The following VANGL1 variants were observed in gnomAD, a reference collection of about 807,000 sequenced individuals.
VANGL1 encodes VANGL planar cell polarity protein 1.
A neutral mutation model predicts 48.4 loss-of-function variants in VANGL1; 18 were observed. That is an observed-to-expected ratio of 0.37 (90% CI 0.26 to 0.55). The LOEUF is 0.55. Among genes scored for constraint, VANGL1 ranks in the 20% least tolerant of loss-of-function variants. The pLI is 0.81. For synonymous variants in VANGL1, 257 were observed against 261.8 expected (o/e 0.98, Z 0.18); for missense variants, 667 against 675.8 (o/e 0.99, Z 0.14).
intron 7 of VANGL1, among the ~76,000 whole-genome samples, chr1:115,687,705 CTGTGTGTG>C (rs56094677): frequency 0.014 from 1,530 of 112,832 alleles, 243 homozygotes; most frequent in African/African-American, 0.019. Context: ...CTCTCTTTCT[CTGTGTGTG>C]TGTGTGTGTG....
At chr1:115,684,148 A>G in intron 6 of VANGL1, 72 bp downstream of exon 6, 2 of 1,334,816 alleles carry the variant, frequency 1.5e-6, no homozygotes, top group Non-Finnish European at 9.8e-7. Context: ...TTATTTATTT[A>G]TTTATTTAGA....
At chr1:115,681,482 G>A (rs1254380102) in intron 4 of VANGL1, among the ~76,000 whole-genome samples, 2 of 150,286 alleles carry the variant, frequency 1.3e-5, no homozygotes, top group Admixed American at 6.7e-5. Flanking sequence ...TGGTCTCAGC[G>A]GAGGCTCTCT....
intron 4 of VANGL1, among the ~76,000 whole-genome samples, chr1:115,681,264 A>G (rs560511963): frequency 1.1e-4 from 17 of 152,278 alleles, no homozygotes; most frequent in African/African-American, 3.4e-4. Flanking sequence ...TTTGCTGTCT[A>G]TACTCATTTC....
intron 1 of VANGL1, among the ~76,000 whole-genome samples, chr1:115,649,943 G>A (rs558656988): frequency 6.6e-6 from 1 of 152,296 alleles, no homozygotes; most frequent in African/African-American, 2.4e-5. Context: ...TGATGGCAGA[G>A]GAGAAGTGAA....
Position 115,682,420 on chromosome 1 carries a change from A to G in VANGL1, c.869A>G (p.Tyr290Cys), listed in dbSNP as rs763616632. The G allele has an allele frequency of 1.4e-5, 22 of 1,614,114 alleles. No homozygotes were observed. The highest frequency in any genetic ancestry group is 1.9e-5 in the Non-Finnish European group (22 of 1,180,046). ...AATTACTACAAAGATTTCACCATCTATAACCCAAACCTCCTAACAGCCTCC... is the reference window on the plus strand; with the variant it reads ...AATTACTACAAAGATTTCACCATCTGTAACCCAAACCTCCTAACAGCCTCC... ...LENYYKDFTI[Y>C]NPNLLTASKF... The change falls in exon 5 of 8, where the codon TAT becomes TGT. Residue 290 changes from tyrosine to cysteine, a missense_variant. Tyr to Cys is a radical substitution (Grantham distance 194). Coordinates refer to ENST00000355485, the MANE Select transcript of VANGL1 (RefSeq NM_138959.3).
intron 4 of VANGL1, among the ~76,000 whole-genome samples, chr1:115,680,339 C>T (rs1237442943): frequency 1.3e-5 from 2 of 152,198 alleles, no homozygotes; most frequent in Non-Finnish European, 2.9e-5. Context: ...TGAGAACATA[C>T]TCACTGTCAT....
At chr1:115,652,858 G>A (rs572758351) in intron 2 of VANGL1, among the ~76,000 whole-genome samples, 4 of 152,296 alleles carry the variant, frequency 2.6e-5, no homozygotes, top group South Asian at 4.1e-4. Context: ...GGGGAGGCTC[G>A]GCAGAAGCTG....
chr1:115,656,809 C>T (rs1159707474), intron 2 of VANGL1, among the ~76,000 whole-genome samples: 2 of 152,210 alleles, frequency 1.3e-5, no homozygotes, highest in Admixed American at 6.5e-5. Context: ...TGGTAGGGTT[C>T]AGGCTCCGGG....
intron 1 of VANGL1, among the ~76,000 whole-genome samples, chr1:115,644,407 A>G (rs1651839367): frequency 6.6e-6 from 1 of 152,258 alleles, no homozygotes; most frequent in Non-Finnish European, 1.5e-5. Context: ...CTAGCTGGTT[A>G]GGGTCTCGCT....
At chr1:115,647,215 G>C (rs1350892346) in intron 1 of VANGL1, among the ~76,000 whole-genome samples, 1 of 150,238 alleles carries the variant, frequency 6.7e-6, no homozygotes, top group Non-Finnish European at 1.5e-5. Context: ...CAGTATGATA[G>C]ACAGTTCCAG....
At chr1:115,677,890 T>C (rs772942956) in intron 4 of VANGL1, among the ~76,000 whole-genome samples, 1 of 152,238 alleles carries the variant, frequency 6.6e-6, no homozygotes, top group Non-Finnish European at 1.5e-5. Context: ...GCCTCCCACA[T>C]TTCCCCAAGA....
At chr1:115,657,721 A>G (rs997572099) in intron 2 of VANGL1, among the ~76,000 whole-genome samples, 1 of 152,214 alleles carries the variant, frequency 6.6e-6, no homozygotes, top group Non-Finnish European at 1.5e-5. Context: ...TTGCATTGCC[A>G]TAAAGAAATA....
rs753885626 is a variant in VANGL1, at chr1:115,684,095, G to A, written c.1079+19G>A. 4.5e-5 allele frequency: 72 copies of A among 1,611,652 alleles called. No homozygotes were observed. The highest frequency in any genetic ancestry group is 5.9e-5 in the Non-Finnish European group (69 of 1,178,632). On this transcript the variant is annotated intron_variant, in intron 6 of 7. Coordinates refer to ENST00000355485, the MANE Select transcript of VANGL1 (RefSeq NM_138959.3). ...AAGCAAGGTATACTGCCCTCCTGATGCCAGTACCCTCTTACAGACTTTTAA... is the reference window on the plus strand; with the variant it reads ...AAGCAAGGTATACTGCCCTCCTGATACCAGTACCCTCTTACAGACTTTTAA...
chr1:115,675,667 C>G (rs1653134688), intron 4 of VANGL1, among the ~76,000 whole-genome samples: 1 of 152,110 alleles, frequency 6.6e-6, no homozygotes, highest in Admixed American at 6.5e-5. Context: ...TGGCGTGCGC[C>G]TGTAATCCCA....
chr1:115,682,321 T>G, intron 4 of VANGL1, 43 bp from the exon 5 acceptor site: 1 of 1,611,982 alleles, frequency 6.2e-7, no homozygotes, highest in Non-Finnish European at 8.5e-7. Context: ...ACCTGCTTCT[T>G]CAGTGAAAAA....
intron 6 of VANGL1, 67 bp from the exon 7 acceptor site, chr1:115,685,226 C>T (rs571160642): frequency 1.7e-5 from 26 of 1,565,764 alleles, no homozygotes; most frequent in East Asian, 1.4e-4. Context: ...GGTAGACAAG[C>T]GTCATTCTGT....
intron 5 of VANGL1, among the ~76,000 whole-genome samples, chr1:115,683,426 A>G (rs1653466504): frequency 6.6e-6 from 1 of 152,174 alleles, no homozygotes; most frequent in East Asian, 1.9e-4. Flanking sequence ...TTTCCTAGAA[A>G]AGTTGTGGCT....
intron 5 of VANGL1, 42 bp from the exon 6 acceptor site, chr1:115,683,902 T>G (rs770462405): frequency 2.5e-6 from 4 of 1,608,630 alleles, no homozygotes; most frequent in Non-Finnish European, 3.4e-6. Flanking sequence ...TTTCCCACCC[T>G]CGTGGTATTA....
intron 3 of VANGL1, among the ~76,000 whole-genome samples, chr1:115,661,973 A>G (rs781309170): frequency 2.6e-5 from 4 of 152,166 alleles, no homozygotes; most frequent in African/African-American, 4.8e-5. Context: ...TTGCTGGGCC[A>G]TATAGCTAAG....
Sources: allele counts gnomAD v4.1 joint callset (sites outside exome capture counted in the v4.1 genomes callset), GRCh38; gene constraint gnomAD v4.1.1; transcripts MANE v1.5; gene names NCBI Gene and HGNC (gene_info 2026-07-23, HGNC 2026-07-21).